Variants in ZNF536 observed in about 807,000 individuals in gnomAD.
The protein encoded by ZNF536 is zinc finger protein 536.
In ZNF536, 13 loss-of-function variants were observed where a neutral mutation model predicts 84.5. The ratio of observed to expected loss-of-function variants is 0.15; its 90% CI spans 0.10 to 0.24. The LOEUF (loss-of-function observed/expected upper bound fraction) is 0.24, where lower values mean the gene tolerates loss of function less well. ZNF536 is among the 10% of genes least tolerant of loss of function. The pLI, the probability that ZNF536 is intolerant of heterozygous loss-of-function variation, is 1.00. For missense variants in ZNF536, 1,536 were observed against 1,747.5 expected (o/e 0.88, Z 2.16); for synonymous variants, 811 against 742.5 (o/e 1.09, Z -1.50).
Position 30,621,865 on chromosome 19 carries a change from C to T in ZNF536, c.169+72351C>T, listed in dbSNP as rs140044269. Among the ~76,000 whole-genome samples the T allele has an allele frequency of 3.3e-4, 50 of 152,324 alleles. 1 individual carries two copies. In the East Asian group the frequency reaches 9.1e-3, roughly 28 times the overall value. ...CTAGGTCTTTCTCTCTCTTTCAAAC[C>T]CTCTCCTCTTCAGGCTTCTTTCCTT... On this transcript the variant is annotated intron_variant, in intron 1 of 1. Coordinates refer to the ZNF536 transcript ENST00000592773.
chr19:30,335,382 C>A (rs1189191341), intron 2 of ZNF536, among the ~76,000 whole-genome samples: 1 of 152,192 alleles, frequency 6.6e-6, no homozygotes, highest in African/African-American at 2.4e-5. Context: ...ACTGCCACCA[C>A]AGCCACCCCC....
Position 30,433,236 on chromosome 19 carries a change from C to G in ZNF536, c.-2-10325C>G, listed in dbSNP as rs114113449. 1.7e-3 allele frequency among the ~76,000 whole-genome samples: 252 copies of G among 152,306 alleles called. 1 individual carries two copies. The highest frequency in any genetic ancestry group is 5.8e-3 in the African/African-American group (242 of 41,568). ...TCCACCACTGCCTTCCTTCCCTTCT[C>G]TCTCCTGCACTCCCATCCCACTGTG... On this transcript the variant is annotated intron_variant, in intron 1 of 4. Coordinates refer to ENST00000355537, the MANE Select transcript of ZNF536 (RefSeq NM_014717.3).
chr19:30,566,209 A>C (rs1455561240), intron 1 of ZNF536, among the ~76,000 whole-genome samples: 1 of 152,102 alleles, frequency 6.6e-6, no homozygotes, highest in Non-Finnish European at 1.5e-5. Context: ...CCCAGAAATC[A>C]GTTACCACCG....
intron 1 of ZNF536, among the ~76,000 whole-genome samples, chr19:30,375,425 T>G (rs994942830): frequency 7.2e-5 from 11 of 152,022 alleles, no homozygotes; most frequent in African/African-American, 2.7e-4. Context: ...CCTGCGCGCC[T>G]GCTGCTCCCA....
rs1000564675 is a variant in ZNF536, at chr19:30,230,140, C to T, written c.-190+1467C>T. Among the ~76,000 whole-genome samples the T allele has an allele frequency of 1.9e-4, 29 of 152,186 alleles. 1 individual carries two copies. The highest frequency in any genetic ancestry group is 1.8e-3 in the Admixed American group (27 of 15,290). ...CATGTTAATATCACTGCAAGTCAGC[C>T]GGATTTAGTGTTGATTTTTAACTAG... On this transcript the variant is annotated intron_variant, in intron 1 of 5. Coordinates refer to the ZNF536 transcript ENST00000585628.
intron 1 of ZNF536, among the ~76,000 whole-genome samples, chr19:30,564,156 T>G (rs1373904941): frequency 6.6e-6 from 1 of 152,038 alleles, no homozygotes; most frequent in Non-Finnish European, 1.5e-5. Context: ...AAAGAGAACC[T>G]GGAGACCTGG....
intron 1 of ZNF536, among the ~76,000 whole-genome samples, chr19:30,269,004 A>G (rs1240076768): frequency 6.6e-6 from 1 of 152,252 alleles, no homozygotes; most frequent in East Asian, 1.9e-4. Context: ...TTGGAAAAAC[A>G]ACTAGTGATA....
chr19:30,230,379 C>T (rs942016599), intron 1 of ZNF536, among the ~76,000 whole-genome samples: 5 of 152,188 alleles, frequency 3.3e-5, no homozygotes, highest in Admixed American at 6.5e-5. Flanking sequence ...CTGGAGAAAA[C>T]ACTTTCAATA....
chr19:30,413,263 G>T (rs1054087571), intron 1 of ZNF536, among the ~76,000 whole-genome samples: 2 of 152,060 alleles, frequency 1.3e-5, no homozygotes, highest in African/African-American at 4.8e-5. Flanking sequence ...CTTTCATCAG[G>T]TGTATTTTTA....
At chr19:30,505,249 T>G (rs975987504) in intron 2 of ZNF536, among the ~76,000 whole-genome samples, 2 of 147,786 alleles carry the variant, frequency 1.4e-5, no homozygotes, top group African/African-American at 4.9e-5. Context: ...ATATATTTAT[T>G]AATATATAAT....
chr19:30,482,283 C>T (rs959881055), intron 2 of ZNF536, among the ~76,000 whole-genome samples: 28 of 152,174 alleles, frequency 1.8e-4, no homozygotes, highest in Non-Finnish European at 2.9e-4. Flanking sequence ...TGTACTAGTT[C>T]TCGTAACAGG....
chr19:30,329,142 C>T (rs2047128791), intron 2 of ZNF536, among the ~76,000 whole-genome samples: 1 of 152,190 alleles, frequency 6.6e-6, no homozygotes, highest in Non-Finnish European at 1.5e-5. Flanking sequence ...CTCGGGCTCT[C>T]AGTAGACAAA....
chr19:30,711,033 T>C (rs763905189), exon 2 of ZNF536: 38 of 152,214 alleles, frequency 2.5e-4, no homozygotes, highest in Non-Finnish European at 4.8e-4. Flanking sequence ...AATAGTATTT[T>C]ACACAGTTTT....
At chr19:30,280,850 T>C (rs6510092) in intron 1 of ZNF536, among the ~76,000 whole-genome samples, 109,232 of 152,096 alleles carry the variant, frequency 0.72, 39,223 homozygotes, top group African/African-American at 0.73. Flanking sequence ...GGAGGGTGCC[T>C]CATCCCCTGT....
At chr19:30,311,645 C>T (rs1031210873) in intron 2 of ZNF536, among the ~76,000 whole-genome samples, 2 of 152,188 alleles carry the variant, frequency 1.3e-5, no homozygotes, top group Admixed American at 6.5e-5. Context: ...CCCCCACCCC[C>T]ACTCTCTCAT....
intron 2 of ZNF536, among the ~76,000 whole-genome samples, chr19:30,306,391 T>C (rs1367941756): frequency 6.6e-6 from 1 of 152,186 alleles, no homozygotes; most frequent in African/African-American, 2.4e-5. Flanking sequence ...TTATTCTCTT[T>C]TCTCTGCTTA....
At chr19:30,459,490 C>G (rs2053034764) in intron 2 of ZNF536, among the ~76,000 whole-genome samples, 1 of 151,782 alleles carries the variant, frequency 6.6e-6, no homozygotes, top group Middle Eastern at 3.2e-3. Context: ...AGCTGGGACT[C>G]CAGGTGCATC....
At chr19:30,513,746 C>T (rs922118056) in intron 2 of ZNF536, among the ~76,000 whole-genome samples, 1 of 152,054 alleles carries the variant, frequency 6.6e-6, no homozygotes, top group Admixed American at 6.6e-5. Flanking sequence ...ACACAGCTCC[C>T]GGTGGTCACA....
intron 1 of ZNF536, among the ~76,000 whole-genome samples, chr19:30,259,070 A>G (rs563830541): frequency 1.3e-5 from 2 of 152,298 alleles, no homozygotes; most frequent in East Asian, 3.9e-4. Context: ...CATTAAAAAT[A>G]TAACAAATTT....
Sources: allele counts gnomAD v4.1 joint callset (sites outside exome capture counted in the v4.1 genomes callset), GRCh38; gene constraint gnomAD v4.1.1; transcripts MANE v1.5; gene names NCBI Gene and HGNC (gene_info 2026-07-23, HGNC 2026-07-21).